The following TESK2 variants were observed in gnomAD, a reference collection of about 807,000 sequenced individuals.
TESK2 encodes dual specificity testis-specific protein kinase 2.
A neutral mutation model predicts 57.1 loss-of-function variants in TESK2; 39 were observed. The ratio of observed to expected loss-of-function variants is 0.68; its 90% CI spans 0.53 to 0.89. TESK2 has a LOEUF of 0.89. Among genes scored for constraint, TESK2 ranks in the 40% least tolerant of loss-of-function variants. TESK2 has a pLI of 0.00. For missense variants in TESK2, 646 were observed against 732.1 expected (o/e 0.88, Z 1.36); for synonymous variants, 249 against 267.9 (o/e 0.93, Z 0.69).
rs917998523 is a variant in TESK2 at position 45,347,771 on chromosome 1, A to T, written c.624-78T>A. On this transcript the variant is annotated intron_variant, in intron 6 of 10. Coordinates refer to ENST00000372086, the MANE Select transcript of TESK2 (RefSeq NM_007170.3). ...AATCTTTTGACCATTCCTCCACCTC[A>T]AGGATGGGTACAGACGAGGACTAAA... 8 of 1,517,300 alleles carry T rather than the reference A, an allele frequency of 5.3e-6. No individual in the cohort carries two copies. In the African/African-American group the frequency reaches 1.1e-4, roughly 21 times the overall value. The allele number at this position is 1,517,300 out of a possible 1,614,324, so 94.0% of individuals were successfully genotyped here. A position where few individuals can be genotyped will look rare whatever the true frequency, so the allele number is the denominator to read the frequency against.
chr1:45,443,072 T>C (rs915149179), intron 2 of TESK2, among the ~76,000 whole-genome samples: 8 of 152,154 alleles, frequency 5.3e-5, no homozygotes, highest in African/African-American at 1.9e-4. Context: ...TAAGCCAACA[T>C]ATCCGGCCTA....
chr1:45,473,190 T>A (rs1162323296), intron 1 of TESK2, among the ~76,000 whole-genome samples: 1 of 150,646 alleles, frequency 6.6e-6, no homozygotes, highest in Non-Finnish European at 1.5e-5. Context: ...ACTAAAAAAT[T>A]TCCCAAAGTA....
intron 1 of TESK2, among the ~76,000 whole-genome samples, chr1:45,468,675 A>C (rs1468080540): frequency 6.6e-6 from 1 of 152,222 alleles, no homozygotes; most frequent in African/African-American, 2.4e-5. Context: ...CAAAGTATTA[A>C]TATACTTTTT....
At chr1:45,378,358 C>CTT (rs924178855) in intron 4 of TESK2, among the ~76,000 whole-genome samples, 1 of 152,136 alleles carries the variant, frequency 6.6e-6, no homozygotes, top group African/African-American at 2.4e-5. Flanking sequence ...TAAAATGCAG[C>CTT]TTAAGGGACA....
At chr1:45,432,509 G>A (rs1651013218) in intron 2 of TESK2, among the ~76,000 whole-genome samples, 1 of 151,270 alleles carries the variant, frequency 6.6e-6, no homozygotes, top group South Asian at 2.1e-4. Flanking sequence ...GGCTAACACG[G>A]TGAAACCCCA....
At chr1:45,403,382 T>G (rs916812931) in intron 3 of TESK2, among the ~76,000 whole-genome samples, 31 of 151,926 alleles carry the variant, frequency 2.0e-4, no homozygotes, top group African/African-American at 7.5e-4. Flanking sequence ...TTCAAACATG[T>G]TTTAGAGGTA....
Position 45,347,945 on chromosome 1 carries a change from C to A in TESK2, c.596G>T (p.Gly199Val). The A allele has an allele frequency of 6.2e-7, 1 of 1,613,896 alleles. No individual in the cohort carries two copies. Among genetic ancestry groups the A allele is most frequent in the African/African-American group, 1.3e-5 (1 of 75,042 alleles). Residue 199 changes from glycine to valine, a missense_variant, in exon 6 of 11, where the codon GGC becomes GTC. Coordinates refer to ENST00000372086, the MANE Select transcript of TESK2 (RefSeq NM_007170.3). Reference protein sequence around the residue: ...NGYSAVVADFGLAEKIPDVSM... With the variant: ...NGYSAVVADFVLAEKIPDVSM... ...GACATCGGGGATCTTCTCAGCCAGGCCAAAGTCAGCTACCACTGCAGAGTA... is the reference window on the plus strand; with the variant it reads ...GACATCGGGGATCTTCTCAGCCAGGACAAAGTCAGCTACCACTGCAGAGTA...
At chr1:45,376,287 G>A (rs1315057098) in intron 4 of TESK2, among the ~76,000 whole-genome samples, 1 of 142,356 alleles carries the variant, frequency 7.0e-6, no homozygotes, top group Non-Finnish European at 1.5e-5. Context: ...GTGTGATTTC[G>A]GCTTTGTAGC....
At chr1:45,445,891 T>C (rs778258068) in intron 2 of TESK2, among the ~76,000 whole-genome samples, 1 of 152,104 alleles carries the variant, frequency 6.6e-6, no homozygotes, top group Non-Finnish European at 1.5e-5. Flanking sequence ...CTGAAAAGTA[T>C]ATAACAAAAA....
chr1:45,484,335 C>T (rs1411512221), intron 1 of TESK2, among the ~76,000 whole-genome samples: 2 of 151,866 alleles, frequency 1.3e-5, no homozygotes, highest in Non-Finnish European at 2.9e-5. Flanking sequence ...TCTCAAACTC[C>T]TGACCTCAGG....
At chr1:45,415,548 TAACAACAAC>T (rs550072246) in intron 3 of TESK2, among the ~76,000 whole-genome samples, 52 of 151,656 alleles carry the variant, frequency 3.4e-4, no homozygotes, top group African/African-American at 1.1e-3. Flanking sequence ...AAAAACTAAA[TAACAACAAC>T]AACAACAACA....
At chr1:45,436,478 CTTTTTTTTT>C (rs35561877) in intron 2 of TESK2, among the ~76,000 whole-genome samples, 1 of 33,622 alleles carries the variant, frequency 3.0e-5, no homozygotes, top group Non-Finnish European at 5.1e-5. Context: ...CGTGCCTGGC[CTTTTTTTTT>C]TTTTTTTTTT....
intron 2 of TESK2, among the ~76,000 whole-genome samples, chr1:45,440,720 A>AC (rs1026858764): frequency 1.5e-4 from 22 of 145,128 alleles, no homozygotes; most frequent in African/African-American, 5.7e-4. Flanking sequence ...GGTCTCAAAA[A>AC]AAAAAAACAA....
At chr1:45,358,533 T>C (rs1647540408) in intron 4 of TESK2, among the ~76,000 whole-genome samples, 1 of 152,182 alleles carries the variant, frequency 6.6e-6, no homozygotes, top group African/African-American at 2.4e-5. Flanking sequence ...CTGTTATTTA[T>C]ATAGTATCTA....
At chr1:45,459,361 G>A (rs377334492) in intron 1 of TESK2, among the ~76,000 whole-genome samples, 1 of 152,134 alleles carries the variant, frequency 6.6e-6, no homozygotes, top group Non-Finnish European at 1.5e-5. Flanking sequence ...AATTCTTAAG[G>A]CCTAACTGCA....
intron 4 of TESK2, among the ~76,000 whole-genome samples, chr1:45,359,215 A>G (rs1473171636): frequency 6.6e-6 from 1 of 152,244 alleles, no homozygotes; most frequent in Admixed American, 6.5e-5. Context: ...AGTAGGTATG[A>G]TAATCCCTGA....
intron 2 of TESK2, among the ~76,000 whole-genome samples, chr1:45,422,696 G>A (rs1303737737): frequency 2.0e-5 from 3 of 150,058 alleles, no homozygotes; most frequent in Non-Finnish European, 4.4e-5. Flanking sequence ...TGCCTGCCTC[G>A]GCCTCCCAAA....
At chr1:45,362,020 G>A (rs1330896955) in intron 4 of TESK2, among the ~76,000 whole-genome samples, 8 of 152,180 alleles carry the variant, frequency 5.3e-5, no homozygotes, top group African/African-American at 1.9e-4. Context: ...CCACGATAGA[G>A]AATGTGTGTA....
intron 2 of TESK2, among the ~76,000 whole-genome samples, chr1:45,444,575 A>G (rs1651576975): frequency 6.6e-6 from 1 of 152,234 alleles, no homozygotes; most frequent in Non-Finnish European, 1.5e-5. Context: ...GCCAATAAAT[A>G]AAAATAAAGC....
Sources: gnomAD v4.1 joint callset for allele counts (sites outside exome capture counted in the v4.1 genomes callset) on GRCh38, gnomAD v4.1.1 for gene constraint, MANE v1.5 for transcripts, NCBI Gene and HGNC (gene_info 2026-07-23, HGNC 2026-07-21) for gene names.